DOP1A: variants seen among roughly 807,000 people sequenced by gnomAD.
DOP1A encodes protein DOP1A.
DOP1A carries 90 observed loss-of-function variants against 267.6 expected under a neutral mutation model. That is an observed-to-expected ratio of 0.34 (90% CI 0.28 to 0.40). The LOEUF is 0.40. DOP1A is among the 10% of genes least tolerant of loss of function. DOP1A has a pLI of 1.00. For missense variants in DOP1A, 2,437 were observed against 2,900.4 expected, an observed-to-expected ratio of 0.84 and a Z score of 3.67; for synonymous variants, 932 against 999.1, an observed-to-expected ratio of 0.93 and a Z score of 1.27.
chr6:83,135,452 A>C (rs2128255167), intron 19 of DOP1A, among the ~76,000 whole-genome samples, 167 bp from the exon 20 acceptor site: 1 of 151,910 alleles, frequency 6.6e-6, no homozygotes, highest in African/African-American at 2.4e-5. Context: ...ACCCACCGAG[A>C]CTATTGGGAT....
intron 28 of DOP1A, 66 bp from the exon 29 acceptor site, chr6:83,151,817 C>T: frequency 6.6e-7 from 1 of 1,510,156 alleles, no homozygotes; most frequent in Non-Finnish European, 9.1e-7. Context: ...GAAATATAAA[C>T]TACAGAAGTT....
At chr6:83,170,393 A>G, downstream of DOP1A, 1 of 1,614,112 alleles carries the variant, frequency 6.2e-7, no homozygotes, top group Non-Finnish European at 8.5e-7. Flanking sequence ...CTTCTTCACC[A>G]GGTCATTGAT....
intron 1 of DOP1A, among the ~76,000 whole-genome samples, chr6:83,091,923 C>A (rs1456742744): frequency 3.9e-5 from 6 of 152,160 alleles, no homozygotes; most frequent in African/African-American, 1.4e-4. Context: ...TTCAGAAAAT[C>A]CAGTCAAGTT....
intron 4 of DOP1A, among the ~76,000 whole-genome samples, chr6:83,104,179 A>G (rs1400366079): frequency 2.0e-5 from 3 of 152,134 alleles, no homozygotes; most frequent in African/African-American, 4.8e-5. Context: ...TGTCAAGTTC[A>G]CTTGTTCTTT....
In DOP1A at chr6:83,153,578, T is replaced by A. The variant is rs755426968; in HGVS notation, c.6197T>A (p.Val2066Glu). 6.2e-7 allele frequency: 1 copy of A among 1,609,998 alleles called. No individual in the cohort carries two copies. ...AAGGAGCGGGTTATTCCTTTACTTG[T>A]AAATATTATGCATTATGTTGTGCCC... ...DEKERVIPLL[V>E]NIMHYVVPYL... The change falls in exon 31 of 39, where the codon GTA becomes GAA. Residue 2066 changes from valine to glutamate, a missense_variant. Physicochemically the swap from Val to Glu is moderately radical, Grantham distance 121 (BLOSUM62 -2). This residue lies in a region of DOP1A where 216 missense variants were observed against 283.3 expected (regional missense o/e 0.76). Transcript: ENST00000349129.
chr6:83,130,441 A>G, intron 17 of DOP1A, 44 bp downstream of exon 17: 3 of 1,561,706 alleles, frequency 1.9e-6, no homozygotes, highest in Non-Finnish European at 2.6e-6. Context: ...GATTACAGCC[A>G]TGTATGATAC....
At chr6:83,133,529 T>C (rs557321896) in intron 18 of DOP1A, among the ~76,000 whole-genome samples, 129 of 152,204 alleles carry the variant, frequency 8.5e-4, no homozygotes, top group African/African-American at 2.3e-3. Context: ...AGAAAGACTT[T>C]AAAAATTTTG....
chr6:83,094,331 T>C (rs1227018449), intron 1 of DOP1A, among the ~76,000 whole-genome samples: 1 of 152,264 alleles, frequency 6.6e-6, no homozygotes, highest in East Asian at 1.9e-4. Context: ...ATTTCTTCTT[T>C]TGGCTATTAT....
At chr6:83,084,541 CG>C (rs1290809285) in intron 1 of DOP1A, among the ~76,000 whole-genome samples, 1 of 151,998 alleles carries the variant, frequency 6.6e-6, no homozygotes, top group Non-Finnish European at 1.5e-5. Context: ...GATTTGACTT[CG>C]ACGTCTGGGA....
At chr6:83,130,647 A>AAGT (rs1386467351) in intron 17 of DOP1A, among the ~76,000 whole-genome samples, 1 of 152,156 alleles carries the variant, frequency 6.6e-6, no homozygotes, top group African/African-American at 2.4e-5. Flanking sequence ...AAAGAAAGAG[A>AAGT]AGTATTAGGG....
intron 18 of DOP1A, among the ~76,000 whole-genome samples, chr6:83,132,778 G>A (rs978859361): frequency 6.6e-6 from 1 of 152,058 alleles, no homozygotes; most frequent in Non-Finnish European, 1.5e-5. Context: ...TTATTATACT[G>A]CATATCCAAA....
chr6:83,122,986 T>C lies in DOP1A; in HGVS notation c.1340+4T>C. The stretch of plus-strand genomic sequence containing the variant: ...GCTGGTTTGAAGAATGTTGTAGGTA[T>C]GTTAAACTTTCATTCCTTTTAATTT... On this transcript the variant is annotated splice_donor_region_variant and intron_variant, in intron 12 of 38. Coordinates refer to ENST00000349129, the MANE Select transcript of DOP1A (RefSeq NM_015018.4). The C allele has an allele frequency of 6.3e-7, 1 of 1,578,774 alleles. No homozygotes were observed. The highest frequency in any genetic ancestry group is 8.6e-7 in the Non-Finnish European group (1 of 1,168,724).
At chr6:83,095,645 G>A (rs924915901) in intron 1 of DOP1A, among the ~76,000 whole-genome samples, 1 of 152,160 alleles carries the variant, frequency 6.6e-6, no homozygotes, top group Non-Finnish European at 1.5e-5. Flanking sequence ...GTATTGCTGT[G>A]TAACAAATGA....
intron 38 of DOP1A, chr6:83,166,543 G>A: frequency 1.6e-6 from 1 of 636,946 alleles, no homozygotes; most frequent in Non-Finnish European, 2.8e-6. Flanking sequence ...AATATAAACA[G>A]CAATAAGTCA....
At chr6:83,094,387 A>G (rs1314333364) in intron 1 of DOP1A, among the ~76,000 whole-genome samples, 1 of 152,184 alleles carries the variant, frequency 6.6e-6, no homozygotes, top group Admixed American at 6.5e-5. Flanking sequence ...GAGTGTACAT[A>G]TATTTTCATT....
intron 38 of DOP1A, among the ~76,000 whole-genome samples, chr6:83,163,539 A>G (rs1274397632): frequency 6.6e-6 from 1 of 152,228 alleles, no homozygotes; most frequent in Non-Finnish European, 1.5e-5. Flanking sequence ...TATGAAATAA[A>G]ATATATATGC....
chr6:83,160,069 A>C, intron 37 of DOP1A, 109 bp downstream of exon 37: 1 of 1,018,724 alleles, frequency 9.8e-7, no homozygotes. Flanking sequence ...AAATATTCCT[A>C]ATTTTTACTA....
At chr6:83,152,249 T>A (rs1387933335) in intron 29 of DOP1A, 39 bp from the exon 30 acceptor site, 1 of 1,221,806 alleles carries the variant, frequency 8.2e-7, no homozygotes, top group Non-Finnish European at 1.2e-6. Context: ...TTATTTTCAG[T>A]GGGAATTAGC....
intron 18 of DOP1A, 39 bp downstream of exon 18, chr6:83,132,367 A>G (rs1163126686): frequency 6.0e-6 from 6 of 995,880 alleles, no homozygotes; most frequent in East Asian, 3.7e-5. Flanking sequence ...CCCCTCCGCC[A>G]CACACACACA....
Sources: allele counts gnomAD v4.1 joint callset (sites outside exome capture counted in the v4.1 genomes callset), GRCh38; gene constraint gnomAD v4.1.1; regional missense constraint gnomAD v4.1.1; transcripts MANE v1.5; gene names NCBI Gene and HGNC (gene_info 2026-07-23, HGNC 2026-07-21).